Variants in CRYBG1 observed in about 807,000 individuals in gnomAD.
The protein encoded by CRYBG1 is crystallin beta-gamma domain containing 1, also known as beta/gamma crystallin domain-containing protein 1.
Under a neutral mutation model 189.2 loss-of-function variants are expected in CRYBG1, and 139 were observed. The observed-to-expected ratio is 0.73, with a 90% CI of 0.64 to 0.85. The LOEUF is 0.85. Ranked by LOEUF, CRYBG1 falls within the 40% of genes least tolerant of loss-of-function variation. The pLI, the probability that CRYBG1 is intolerant of heterozygous loss-of-function variation, is 0.00. For missense variants in CRYBG1, 2,611 were observed against 2,675.8 expected (o/e 0.98, Z 0.53); for synonymous variants, 1,023 against 1,017.1 (o/e 1.01, Z -0.11).
chr6:106,411,504 G>A (rs1350543317), intron 1 of CRYBG1, among the ~76,000 whole-genome samples: 1 of 152,092 alleles, frequency 6.6e-6, no homozygotes, highest in Non-Finnish European at 1.5e-5. Context: ...TTAAATTATT[G>A]TTTTTGTCAC....
At chr6:106,476,817 T>C (rs1306667220) in intron 2 of CRYBG1, among the ~76,000 whole-genome samples, 1 of 152,218 alleles carries the variant, frequency 6.6e-6, no homozygotes, top group Non-Finnish European at 1.5e-5. Context: ...AGAAAGACTA[T>C]GGCAAATTGG....
chr6:106,380,830 G>A (rs1770273799), intron 1 of CRYBG1, among the ~76,000 whole-genome samples: 1 of 152,188 alleles, frequency 6.6e-6, no homozygotes, highest in Non-Finnish European at 1.5e-5. Context: ...AATGTGTAAT[G>A]TGTAAGGAAA....
At chr6:106,505,856 A>G (rs1773121411) in intron 2 of CRYBG1, among the ~76,000 whole-genome samples, 1 of 152,138 alleles carries the variant, frequency 6.6e-6, no homozygotes, top group Admixed American at 6.6e-5. Flanking sequence ...ACTCATTCCC[A>G]TGTGGCTGAA....
chr6:106,508,068 G>A (rs950506899), intron 2 of CRYBG1, among the ~76,000 whole-genome samples: 15 of 152,302 alleles, frequency 9.8e-5, no homozygotes, highest in Admixed American at 9.1e-4. Context: ...GCAACATGGT[G>A]AAACTCTCTA....
intron 1 of CRYBG1, among the ~76,000 whole-genome samples, chr6:106,390,166 A>G (rs1395000522): frequency 6.6e-6 from 1 of 152,150 alleles, no homozygotes; most frequent in African/African-American, 2.4e-5. Flanking sequence ...ATTAAGATGA[A>G]TCATTTATAA....
At chr6:106,430,582 G>T (rs542894090) in intron 1 of CRYBG1, among the ~76,000 whole-genome samples, 1 of 152,118 alleles carries the variant, frequency 6.6e-6, no homozygotes. Flanking sequence ...GTGTAACATG[G>T]CTCCTACAGT....
intron 8 of CRYBG1, 46 bp from the exon 9 acceptor site, chr6:106,539,357 A>G (rs1774077807): frequency 1.2e-6 from 2 of 1,604,802 alleles, no homozygotes; most frequent in African/African-American, 2.7e-5. Context: ...AACTGAAACA[A>G]ATGATGAGTC....
intron 1 of CRYBG1, among the ~76,000 whole-genome samples, chr6:106,427,147 AG>A (rs1349683353): frequency 6.6e-6 from 1 of 152,064 alleles, no homozygotes; most frequent in Non-Finnish European, 1.5e-5. Context: ...TTTACTTTCT[AG>A]GTGAGCTTTC....
chr6:106,560,907 C>G lies in CRYBG1; in HGVS notation c.5960C>G (p.Ser1987Cys). 3.7e-6 allele frequency: 6 copies of G among 1,608,904 alleles called. No homozygotes were observed. Among genetic ancestry groups the G allele is most frequent in the Non-Finnish European group, 5.1e-6 (6 of 1,177,736 alleles). Residue 1987 changes from serine (S) to cysteine (C), a missense_variant, in exon 19 of 22, where the codon TCT becomes TGT. This residue lies in a region of CRYBG1 where 1,622 missense variants were observed against 1,735.0 expected (regional missense o/e 0.93). Coordinates refer to ENST00000633556, the MANE Select transcript of CRYBG1 (RefSeq NM_001371242.2). ...YEFSGCRQIG[S>C]LRPFVQKRIY... ...TTCAGTGGCTGTCGCCAAATAGGTT[C>G]TCTACGACCTTTTGTTCAGGTATTT...
chr6:106,362,551 G>C (rs943124950), intron 1 of CRYBG1, among the ~76,000 whole-genome samples: 1 of 152,186 alleles, frequency 6.6e-6, no homozygotes, highest in Admixed American at 6.5e-5. Flanking sequence ...GCTGCACTGT[G>C]CACATCACCA....
At chr6:106,491,170 G>A (rs937535598) in intron 2 of CRYBG1, among the ~76,000 whole-genome samples, 26 of 152,280 alleles carry the variant, frequency 1.7e-4, no homozygotes, top group African/African-American at 5.8e-4. Flanking sequence ...CAGTTATTGC[G>A]TATGCTTATT....
At chr6:106,383,691 A>C (rs916604518) in intron 1 of CRYBG1, among the ~76,000 whole-genome samples, 1 of 152,260 alleles carries the variant, frequency 6.6e-6, no homozygotes, top group African/African-American at 2.4e-5. Context: ...AATGTATCAT[A>C]TGATATGTCA....
At chr6:106,483,558 G>C (rs559166669) in intron 2 of CRYBG1, among the ~76,000 whole-genome samples, 25 of 151,968 alleles carry the variant, frequency 1.6e-4, no homozygotes, top group Non-Finnish European at 2.9e-4. Flanking sequence ...GGATCATATG[G>C]TAGTTCTATT....
chr6:106,540,886 A>G (rs928844361), intron 9 of CRYBG1, among the ~76,000 whole-genome samples: 3 of 152,090 alleles, frequency 2.0e-5, no homozygotes, highest in Non-Finnish European at 4.4e-5. Flanking sequence ...TTTTTGTGCA[A>G]TATCTTTTTA....
At chr6:106,432,705 C>T (rs1771353369) in intron 1 of CRYBG1, among the ~76,000 whole-genome samples, 1 of 152,236 alleles carries the variant, frequency 6.6e-6, no homozygotes, top group South Asian at 2.1e-4. Flanking sequence ...CCACGTGCAC[C>T]TCCGCCTGTC....
At chr6:106,402,157 C>A (rs376285870) in intron 1 of CRYBG1, among the ~76,000 whole-genome samples, 1 of 120,196 alleles carries the variant, frequency 8.3e-6, no homozygotes. Context: ...AGGACACAAA[C>A]AAATGGAAGA....
rs1458685251 is a variant in CRYBG1, at chr6:106,471,390, T to TTCTTTGCAAGCATTTCAGAGGCAGC, written c.312+19560_312+19584dup. 1.2e-4 allele frequency among the ~76,000 whole-genome samples: 18 copies of TTCTTTGCAAGCATTTCAGAGGCAGC among 152,346 alleles called. No homozygotes were observed. The South Asian group carries it at 3.5e-3, about 30-fold the overall frequency. ...GCACATGTACACCAATGTGTGGGTC[T>TTCTTTGCAAGCATTTCAGAGGCAGC]TCTTTGCAAGCATTTCAGAGGCAGC... On this transcript the variant is annotated intron_variant, in intron 2 of 21. Transcript: ENST00000633556.
intron 1 of CRYBG1, among the ~76,000 whole-genome samples, chr6:106,374,788 T>C (rs1770115142): frequency 6.6e-6 from 1 of 152,216 alleles, no homozygotes; most frequent in East Asian, 1.9e-4. Flanking sequence ...ATAGACACAT[T>C]CATACATATA....
At chr6:106,436,657 T>C (rs1297521176) in intron 1 of CRYBG1, among the ~76,000 whole-genome samples, 1 of 127,446 alleles carries the variant, frequency 7.8e-6, no homozygotes, top group African/African-American at 3.0e-5. Flanking sequence ...ACTTAAAGGA[T>C]AAATGGCATT....
Sources: gnomAD v4.1 joint callset for allele counts (sites outside exome capture counted in the v4.1 genomes callset) on GRCh38, gnomAD v4.1.1 for gene constraint, gnomAD v4.1.1 regional missense constraint, MANE v1.5 for transcripts, NCBI Gene and HGNC (gene_info 2026-07-23, HGNC 2026-07-21) for gene names.